DOCK4: variants seen among roughly 807,000 people sequenced by gnomAD.
DOCK4 encodes dedicator of cytokinesis protein 4.
A neutral mutation model predicts 268.1 loss-of-function variants in DOCK4; 97 were observed. That is an observed-to-expected ratio of 0.36 (90% CI 0.31 to 0.43). DOCK4 has a LOEUF of 0.43. Ranked by LOEUF, DOCK4 falls within the 20% of genes least tolerant of loss-of-function variation. DOCK4 has a pLI of 1.00. For missense variants in DOCK4, 2,145 were observed against 2,455.7 expected (o/e 0.87, Z 2.67); for synonymous variants, 954 against 887.2 (o/e 1.08, Z -1.34).
chr7:112,194,721 A>T (rs1386355164), intron 1 of DOCK4, among the ~76,000 whole-genome samples: 1 of 152,238 alleles, frequency 6.6e-6, no homozygotes, highest in Non-Finnish European at 1.5e-5. Flanking sequence ...GAAAGTATGA[A>T]ATTAAAAATA....
chr7:111,728,544 C>T lies in DOCK4; in HGVS notation c.5658G>A (p.Pro1886=), dbSNP rs565911216. The part of the protein sequence containing the change: ...NQVNEQSAPL[P]VPVPVPVPSY... ...TCGGCACGGGCACCGGCACTGGCAC[C>T]GGCAGGGGGGCCGACTGTTCATTCA... is the stretch of plus-strand genomic sequence containing the variant. The change falls in exon 53 of 53, where the codon CCG becomes CCA. Residue 1886 remains proline, a synonymous_variant. Transcript: ENST00000428084. 131 of 1,613,728 alleles carry T rather than the reference C, an allele frequency of 8.1e-5. No individual in the cohort carries two copies. In the South Asian group the frequency reaches 9.3e-4, roughly 12 times the overall value.
chr7:112,062,138 C>T (rs1019843830), intron 1 of DOCK4, among the ~76,000 whole-genome samples: 4 of 152,106 alleles, frequency 2.6e-5, no homozygotes, highest in Non-Finnish European at 5.9e-5. Flanking sequence ...ATTTGGTGAG[C>T]TAGTTAATAC....
At chr7:111,831,025 G>A (rs1042108225) in intron 26 of DOCK4, among the ~76,000 whole-genome samples, 1 of 151,960 alleles carries the variant, frequency 6.6e-6, no homozygotes, top group Admixed American at 6.6e-5. Flanking sequence ...TTACTCCCAT[G>A]ATGTCAGTTA....
At chr7:111,951,386 A>G (rs973631459) in intron 8 of DOCK4, among the ~76,000 whole-genome samples, 1 of 152,130 alleles carries the variant, frequency 6.6e-6, no homozygotes, top group Non-Finnish European at 1.5e-5. Context: ...GAGATATTAG[A>G]TAAGTTGGCC....
At chr7:112,204,211 G>C (rs886184096) in intron 1 of DOCK4, among the ~76,000 whole-genome samples, 29 of 152,102 alleles carry the variant, frequency 1.9e-4, no homozygotes, top group African/African-American at 6.8e-4. Context: ...GTAAAGAAAG[G>C]CAAGAGAGGA....
chr7:112,087,948 T>A (rs564291938), intron 1 of DOCK4, among the ~76,000 whole-genome samples: 4 of 152,120 alleles, frequency 2.6e-5, no homozygotes, highest in African/African-American at 9.6e-5. Flanking sequence ...TTAAAAAATA[T>A]GATAGAAATA....
Position 111,834,807 on chromosome 7 carries a change from ACTTGC to A in DOCK4, c.2737-126_2737-122del, listed in dbSNP as rs377215696. Reference sequence around the variant, plus strand: ...TTAAAATGAAATCACGATGATCCAAACTTGCCCTGTGAAGTCTTCTTAATATAAAT... The same window carrying A: ...TTAAAATGAAATCACGATGATCCAAACCTGTGAAGTCTTCTTAATATAAAT... On this transcript the variant is annotated intron_variant, in intron 25 of 52. Coordinates refer to ENST00000428084, the MANE Select transcript of DOCK4 (RefSeq NM_001363540.2). The A allele has an allele frequency of 2.4e-3, 1,516 of 622,584 alleles. 16 individuals carry two copies. Among genetic ancestry groups the A allele is most frequent in the South Asian group, 0.02 (637 of 32,256 alleles). The allele number at this position is 622,584 out of a possible 1,614,324, so 38.6% of individuals were successfully genotyped here.
chr7:112,177,089 G>A (rs910203952), intron 1 of DOCK4, among the ~76,000 whole-genome samples: 1 of 152,204 alleles, frequency 6.6e-6, no homozygotes, highest in African/African-American at 2.4e-5. Context: ...CAAAATCATA[G>A]CTAGAACAAG....
At chr7:111,898,590 G>T (rs1790868260) in intron 15 of DOCK4, among the ~76,000 whole-genome samples, 1 of 152,132 alleles carries the variant, frequency 6.6e-6, no homozygotes, top group Admixed American at 6.6e-5. Flanking sequence ...TAAAATGCTT[G>T]GCATATAGTG....
At chr7:111,947,347 C>T (rs191335028) in intron 8 of DOCK4, among the ~76,000 whole-genome samples, 63 of 152,272 alleles carry the variant, frequency 4.1e-4, no homozygotes, top group Admixed American at 3.3e-3. Flanking sequence ...TAGATAGATA[C>T]GTTTAACAGA....
rs866148987 is a variant in DOCK4, at chr7:111,732,297, G to C, written c.5420-10C>G. 1 of 1,613,676 alleles carries C rather than the reference G, an allele frequency of 6.2e-7. No individual in the cohort carries two copies. Among genetic ancestry groups the C allele is most frequent in the Non-Finnish European group, 8.5e-7 (1 of 1,179,738 alleles). ...TGTCTTGCTGGTGAAGCTGTCAATG[G>C]GGAGAGAGATAACATTTCAATTAAG... On this transcript the variant is annotated splice_polypyrimidine_tract_variant and intron_variant, in intron 51 of 52. Transcript: ENST00000428084.
At chr7:111,875,430 C>G (rs1490310468) in intron 17 of DOCK4, among the ~76,000 whole-genome samples, 1 of 152,186 alleles carries the variant, frequency 6.6e-6, no homozygotes, top group African/African-American at 2.4e-5. Context: ...GGAAGAGAAT[C>G]TATTGTTAGG....
chr7:112,163,218 TTGGGGGAACCACTCTGACG>T (rs1199550946), intron 1 of DOCK4, among the ~76,000 whole-genome samples: 1 of 152,176 alleles, frequency 6.6e-6, no homozygotes, highest in African/African-American at 2.4e-5. Flanking sequence ...AAGAATGGGT[TTGGGGGAACCACTCTGACG>T]TGGCCTAACC....
At chr7:111,781,727 T>C (rs1246955879) in intron 35 of DOCK4, among the ~76,000 whole-genome samples, 4 of 151,754 alleles carry the variant, frequency 2.6e-5, no homozygotes, top group South Asian at 2.1e-4. Context: ...ATGAGGAAAA[T>C]AGATGAAAAG....
chr7:112,156,310 C>T (rs768163386), intron 1 of DOCK4, among the ~76,000 whole-genome samples: 6 of 152,124 alleles, frequency 3.9e-5, no homozygotes, highest in Non-Finnish European at 7.3e-5. Flanking sequence ...TAGAACTTAG[C>T]GGCCAATTAT....
At chr7:112,145,918 CTT>C in intron 1 of DOCK4, among the ~76,000 whole-genome samples, 1 of 152,226 alleles carries the variant, frequency 6.6e-6, no homozygotes, top group Non-Finnish European at 1.5e-5. Flanking sequence ...TATCATCTAA[CTT>C]CGCTTAAACT....
intron 27 of DOCK4, among the ~76,000 whole-genome samples, chr7:111,814,322 C>A (rs1350569504): frequency 1.3e-5 from 2 of 152,158 alleles, no homozygotes; most frequent in African/African-American, 4.8e-5. Flanking sequence ...CAGTTGCTCT[C>A]AACCTGCCCC....
At chr7:112,083,207 A>G (rs1417438659) in intron 1 of DOCK4, among the ~76,000 whole-genome samples, 3 of 152,110 alleles carry the variant, frequency 2.0e-5, no homozygotes, top group Admixed American at 1.3e-4. Context: ...AATCAGTAGA[A>G]TTTTTTATTA....
At chr7:112,199,900 T>C (rs1298142110) in intron 1 of DOCK4, among the ~76,000 whole-genome samples, 1 of 152,220 alleles carries the variant, frequency 6.6e-6, no homozygotes, top group Non-Finnish European at 1.5e-5. Context: ...ACTTACGCAA[T>C]GCATGTGATG....
Sources: allele counts gnomAD v4.1 joint callset (sites outside exome capture counted in the v4.1 genomes callset), GRCh38; gene constraint gnomAD v4.1.1; transcripts MANE v1.5; gene names NCBI Gene and HGNC (gene_info 2026-07-23, HGNC 2026-07-21).